The following ESR1 variants were observed in gnomAD, a reference collection of about 807,000 sequenced individuals.
ESR1 encodes the protein estrogen receptor.
ESR1 carries 12 observed loss-of-function variants against 52.7 expected under a neutral mutation model. The ratio of observed to expected loss-of-function variants is 0.23; its 90% CI spans 0.15 to 0.37. The LOEUF (loss-of-function observed/expected upper bound fraction) is 0.37. Among genes scored for constraint, ESR1 ranks in the 10% least tolerant of loss-of-function variants. The pLI is 1.00. For synonymous variants in ESR1, 305 were observed against 316.8 expected, an observed-to-expected ratio of 0.96 and a Z score of 0.39; for missense variants, 584 against 779.7, an observed-to-expected ratio of 0.75 and a Z score of 2.99.
chr6:151,698,691 G>T (rs1424699565), intron 1 of ESR1, among the ~76,000 whole-genome samples: 1 of 152,146 alleles, frequency 6.6e-6, no homozygotes, highest in Non-Finnish European at 1.5e-5. Context: ...GCTACTGGGG[G>T]TAGAGTCGGG....
chr6:151,994,045 C>T (rs2041260267), intron 4 of ESR1, among the ~76,000 whole-genome samples: 1 of 152,082 alleles, frequency 6.6e-6, no homozygotes, highest in South Asian at 2.1e-4. Context: ...CTCCTAACAA[C>T]CCTAGAAGGT....
chr6:152,040,921 G>C (rs2045737973), intron 5 of ESR1, among the ~76,000 whole-genome samples: 1 of 152,134 alleles, frequency 6.6e-6, no homozygotes, highest in South Asian at 2.1e-4. Context: ...ACTTGCTTGA[G>C]CCTGATCATG....
At chr6:151,885,628 G>C (rs1035608306) in intron 3 of ESR1, among the ~76,000 whole-genome samples, 18 of 152,188 alleles carry the variant, frequency 1.2e-4, no homozygotes, top group Admixed American at 6.5e-4. Context: ...ACTTTGGGAG[G>C]CTGAGGTGGG....
chr6:152,040,669 T>C (rs896097773), intron 5 of ESR1, among the ~76,000 whole-genome samples: 2 of 152,244 alleles, frequency 1.3e-5, no homozygotes, highest in African/African-American at 2.4e-5. Context: ...CCTTCACTGC[T>C]GCCCTTCAGG....
intron 4 of ESR1, among the ~76,000 whole-genome samples, chr6:151,979,066 G>T (rs890831344): frequency 2.0e-5 from 3 of 152,140 alleles, no homozygotes; most frequent in African/African-American, 4.8e-5. Flanking sequence ...AGTGCTCTAT[G>T]CATCTTGCAT....
chr6:151,990,550 A>C (rs745690841), intron 4 of ESR1, among the ~76,000 whole-genome samples: 4 of 151,536 alleles, frequency 2.6e-5, no homozygotes, highest in Non-Finnish European at 5.9e-5. Context: ...GACTGCCTTG[A>C]CCTGGACCTG....
intron 1 of ESR1, among the ~76,000 whole-genome samples, chr6:151,661,800 T>C (rs1777646828): frequency 6.6e-6 from 1 of 152,184 alleles, no homozygotes; most frequent in African/African-American, 2.4e-5. Flanking sequence ...GGTTTAAAAG[T>C]CTTTGGCAGT....
At chr6:151,805,687 A>G (rs999459360), upstream of ESR1, 7 of 151,728 alleles carry the variant, frequency 4.6e-5, no homozygotes, top group African/African-American at 1.7e-4. Context: ...ACATCCACAC[A>G]CTCTCTCTGC....
chr6:152,005,481 ATAAACCTAAAATATTT>A (rs1309478738), intron 4 of ESR1, among the ~76,000 whole-genome samples: 1 of 152,094 alleles, frequency 6.6e-6, no homozygotes, highest in African/African-American at 2.4e-5. Flanking sequence ...GTTTGAAGTT[ATAAACCTAAAATATTT>A]TAAAACAAAA....
At chr6:152,093,051 G>C (rs561878540) in intron 6 of ESR1, among the ~76,000 whole-genome samples, 19 of 152,260 alleles carry the variant, frequency 1.2e-4, no homozygotes, top group Non-Finnish European at 2.5e-4. Context: ...GGCCGAGGCA[G>C]GTGGGTCACA....
intron 2 of ESR1, among the ~76,000 whole-genome samples, chr6:151,757,344 G>A (rs1361407894): frequency 6.6e-6 from 1 of 152,144 alleles, no homozygotes; most frequent in African/African-American, 2.4e-5. Context: ...ATGTGGAAAT[G>A]TTTGCTGGCC....
At chr6:151,995,428 T>A (rs2041397657) in intron 4 of ESR1, among the ~76,000 whole-genome samples, 1 of 152,082 alleles carries the variant, frequency 6.6e-6, no homozygotes, top group Admixed American at 6.6e-5. Flanking sequence ...ACAGGAAGTA[T>A]GAGACACAAA....
chr6:152,075,210 G>GAGA (rs1303821625), intron 6 of ESR1, among the ~76,000 whole-genome samples: 1 of 152,174 alleles, frequency 6.6e-6, no homozygotes, highest in Non-Finnish European at 1.5e-5. Context: ...GCTTTAATCA[G>GAGA]AGAAGTTTGA....
Position 151,691,096 on chromosome 6 carries a change from G to A in ESR1, c.-202+432G>A, listed in dbSNP as rs557633881. The stretch of plus-strand genomic sequence containing the variant: ...ACACTACCTGTTTTCTGAATCTTTG[G>A]AGCCATAACTTACGTGAGTTTGAAC... On this transcript the variant is annotated intron_variant, in intron 1 of 2. Coordinates refer to the ESR1 transcript ENST00000404742. Among the ~76,000 whole-genome samples, 5 of 152,288 alleles carry A rather than the reference G, an allele frequency of 3.3e-5. No homozygotes were observed. In the South Asian group the frequency reaches 1.0e-3, roughly 32 times the overall value.
At chr6:151,774,909 T>G (rs1785828210) in intron 2 of ESR1, among the ~76,000 whole-genome samples, 1 of 152,232 alleles carries the variant, frequency 6.6e-6, no homozygotes, top group African/African-American at 2.4e-5. Context: ...TCAAACTGCT[T>G]TTCACTGCAT....
chr6:151,995,889 T>C (rs1322387611), intron 4 of ESR1, among the ~76,000 whole-genome samples: 3 of 152,212 alleles, frequency 2.0e-5, no homozygotes, highest in Non-Finnish European at 4.4e-5. Context: ...AGGAAAGTGC[T>C]TTTTTGTTAA....
At chr6:151,952,468 T>G (rs2036435117) in intron 4 of ESR1, among the ~76,000 whole-genome samples, 1 of 152,202 alleles carries the variant, frequency 6.6e-6, no homozygotes, top group Admixed American at 6.5e-5. Flanking sequence ...TTCCCTGAAC[T>G]CCCTTCTCTC....
chr6:151,822,236 C>T (rs766817686), intron 1 of ESR1, among the ~76,000 whole-genome samples: 2 of 152,090 alleles, frequency 1.3e-5, no homozygotes, highest in Non-Finnish European at 2.9e-5. Flanking sequence ...TATTTTATGA[C>T]TTTTATACAT....
At chr6:152,077,180 G>A (rs753613894) in intron 6 of ESR1, among the ~76,000 whole-genome samples, 12 of 151,112 alleles carry the variant, frequency 7.9e-5, no homozygotes, top group Admixed American at 7.2e-4. Flanking sequence ...CATCTCAGCT[G>A]CTCCAGCTAT....
Sources: gnomAD v4.1 joint callset for allele counts (sites outside exome capture counted in the v4.1 genomes callset) on GRCh38, gnomAD v4.1.1 for gene constraint, MANE v1.5 for transcripts, NCBI Gene and HGNC (gene_info 2026-07-23, HGNC 2026-07-21) for gene names.